LUC7L: variants seen among roughly 807,000 people sequenced by gnomAD.
LUC7L encodes the protein LUC7 like.
Under a neutral mutation model 51.1 loss-of-function variants are expected in LUC7L, and 29 were observed. The ratio of observed to expected loss-of-function variants is 0.57; its 90% CI spans 0.42 to 0.77. The LOEUF (loss-of-function observed/expected upper bound fraction) is 0.77, where lower values mean the gene tolerates loss of function less well. LUC7L is among the 30% of genes least tolerant of loss of function. LUC7L has a pLI of 0.00. For missense variants in LUC7L, 403 were observed against 511.9 expected, an observed-to-expected ratio of 0.79 and a Z score of 2.05; for synonymous variants, 181 against 180.7, an observed-to-expected ratio of 1.00 and a Z score of -0.01.
chr16:195,321 C>G (rs113562505), intron 6 of LUC7L, among the ~76,000 whole-genome samples: 1 of 151,860 alleles, frequency 6.6e-6, no homozygotes, highest in Non-Finnish European at 1.5e-5. Context: ...TCAGGAGACT[C>G]AGGATGCAGG....
In LUC7L at chr16:229,345, C is replaced by T. The variant is rs2050215345; in HGVS notation, c.-6G>A. 2 of 1,499,444 alleles carry T rather than the reference C, an allele frequency of 1.3e-6. No individual in the cohort carries two copies. The highest frequency in any genetic ancestry group is 1.8e-6 in the Non-Finnish European group (2 of 1,127,482). 92.9% of individuals were successfully genotyped at this position (1,499,444 alleles called of 1,614,324 possible). ...ATCTGCGCCTGGGCGGACATGGTAG[C>T]CGGCGGAGGCGACGGGGTCGGCCGC... On this transcript the variant is annotated 5_prime_UTR_variant, in exon 1 of 10. Transcript: ENST00000293872.
At chr16:192,899 G>C (rs111775488) in intron 7 of LUC7L, 28 bp downstream of exon 7, 103,545 of 1,590,488 alleles carry the variant, frequency 0.065, 3,627 homozygotes, top group African/African-American at 0.085. Flanking sequence ...GCCAATGCAG[G>C]CCATCCAGTG....
chr16:227,277 G>GA lies in LUC7L; in HGVS notation c.120dup (p.Leu41SerfsTer7). The GA allele has an allele frequency of 6.2e-7, 1 of 1,613,146 alleles. No individual in the cohort carries two copies. Among genetic ancestry groups the GA allele is most frequent in the Non-Finnish European group, 8.5e-7 (1 of 1,179,566 alleles). On this transcript the variant is annotated frameshift_variant, in exon 2 of 10. Transcript: ENST00000293872. LOFTEE classifies it high-confidence loss of function. ...AGGATGTCATGGGGGCAGCAGTCCA[G>GA]AAGGTGACTCTTGCAGACACGGTCA...
chr16:207,212 A>AC lies in LUC7L; in HGVS notation c.366+865_366+866insG, dbSNP rs1236724289. 4.0e-3 allele frequency among the ~76,000 whole-genome samples: 600 copies of AC among 150,760 alleles called. 6 individuals are homozygous for AC. Among genetic ancestry groups the AC allele is most frequent in the African/African-American group, 0.013 (530 of 41,074 alleles). On this transcript the variant is annotated intron_variant, in intron 4 of 9. Transcript: ENST00000293872. The stretch of plus-strand genomic sequence containing the variant: ...AGACTCTGTCTCTTAAAAAAAAAAA[A>AC]AAACCGACAATAATTTTTTTTTCTT...
At position 190,118 on chromosome 16, in the gene LUC7L, C is replaced by A. The variant is rs746716871; in HGVS notation, c.824G>T (p.Arg275Leu). The A allele has an allele frequency of 6.2e-7, 1 of 1,611,442 alleles. No individual in the cohort carries two copies. The highest frequency in any genetic ancestry group is 1.3e-5 in the African/African-American group (1 of 74,872). Residue 275 changes from arginine to leucine, a missense_variant, in exon 9 of 10, where the codon CGG becomes CTG. Around this residue, in one of 3 missense-constraint regions of LUC7L, gnomAD observed 206 missense variants for 218.3 expected, o/e 0.94. Coordinates refer to ENST00000293872, the MANE Select transcript of LUC7L (RefSeq NM_201412.3). Reference protein sequence around the residue: ...RDRRRSRSRDRRRRRSRSTSR... With the variant: ...RDRRRSRSRDLRRRRSRSTSR... ...GGTAGATCTTGACCGCCTCCGACGC[C>A]GATCCCGGGAGCGTGACCTGAACAA...
chr16:208,135 G>A lies in LUC7L; in HGVS notation c.309C>T (p.Leu103=), dbSNP rs189799346. ...GTGTTTCTGCCAGCCGCTTCTTGGCGAGCTCAGTTCTCCGATCACATTCAG... is the reference window on the plus strand; with the variant it reads ...GTGTTTCTGCCAGCCGCTTCTTGGCAAGCTCAGTTCTCCGATCACATTCAG... ...FIAECDRRTE[L]AKKRLAETQE... is the part of the protein sequence containing the mutation. The change falls in exon 4 of 10, where the codon CTC becomes CTT. Residue 103 remains leucine, a synonymous_variant. Coordinates refer to ENST00000293872, the MANE Select transcript of LUC7L (RefSeq NM_201412.3). The A allele has an allele frequency of 3.0e-5, 48 of 1,613,574 alleles. No homozygotes were observed. In the African/African-American group the frequency reaches 3.7e-4, roughly 13 times the overall value.
intron 3 of LUC7L, among the ~76,000 whole-genome samples, chr16:219,659 C>T (rs113749273): frequency 1.3e-5 from 2 of 151,530 alleles, no homozygotes; most frequent in Admixed American, 6.6e-5. Context: ...GATCACCTGA[C>T]GTTGAGAGTT....
chr16:217,848 G>A (rs995608042), intron 3 of LUC7L, among the ~76,000 whole-genome samples: 1 of 152,018 alleles, frequency 6.6e-6, no homozygotes, highest in African/African-American at 2.4e-5. Context: ...AGACCAGCCT[G>A]ACCAAAATGG....
intron 9 of LUC7L, 109 bp downstream of exon 9, chr16:189,859 G>C: frequency 2.7e-6 from 4 of 1,499,236 alleles, no homozygotes; most frequent in Non-Finnish European, 3.6e-6. Context: ...CCCTACTCCT[G>C]AGGGTGAGCC....
chr16:203,924 G>C (rs992030052), intron 5 of LUC7L, among the ~76,000 whole-genome samples: 29 of 151,648 alleles, frequency 1.9e-4, no homozygotes, highest in Admixed American at 5.3e-4. Flanking sequence ...GCTGAGGCAG[G>C]AGAATCGCTT....
At chr16:228,890 C>A in intron 1 of LUC7L, 1 of 1,329,540 alleles carries the variant, frequency 7.5e-7, no homozygotes, top group South Asian at 1.2e-5. Flanking sequence ...AGCTTCTTCC[C>A]AAGGAGCCTC....
Position 189,031 on chromosome 16 carries a change from A to C in LUC7L, c.*167T>G. On this transcript the variant is annotated 3_prime_UTR_variant, in exon 10 of 10. Transcript: ENST00000293872. The stretch of plus-strand genomic sequence containing the variant: ...GATTTATTTATTCCTACTCAACATG[A>C]CCCGGGAACACAGGAGCAACTCTGT... The C allele has an allele frequency of 1.4e-6, 1 of 711,206 alleles. No homozygotes were observed. Among genetic ancestry groups the C allele is most frequent in the Non-Finnish European group, 2.3e-6 (1 of 433,642 alleles). 44.1% of individuals were successfully genotyped at this position (711,206 alleles called of 1,614,324 possible).
At chr16:191,726 T>A (rs1258985710) in intron 7 of LUC7L, among the ~76,000 whole-genome samples, 2 of 152,092 alleles carry the variant, frequency 1.3e-5, no homozygotes, top group Admixed American at 1.3e-4. Flanking sequence ...AGGCCTGTAG[T>A]CCCAGCTACT....
intron 1 of LUC7L, chr16:228,752 G>A (rs1344239313): frequency 5.5e-6 from 7 of 1,268,556 alleles, no homozygotes; most frequent in Non-Finnish European, 7.2e-6. Flanking sequence ...GTGCTGGGGG[G>A]AAGGGGGCAG....
chr16:206,030 C>T lies in LUC7L; in HGVS notation c.484G>A (p.Val162Ile). The T allele has an allele frequency of 6.2e-7, 1 of 1,612,976 alleles. No individual in the cohort carries two copies. The highest frequency in any genetic ancestry group is 8.5e-7 in the Non-Finnish European group (1 of 1,179,776). ...TCAGCTTCTTTTTTCTTCGCACGAA[C>T]TTTTTCCACTTCCATAAGAATCTTC... ...SQKILMEVEKVRAKKKEAEEE... is the reference protein window; with the variant it reads ...SQKILMEVEKIRAKKKEAEEE... Residue 162 changes from valine (V) to isoleucine (I), a missense_variant, in exon 5 of 10, where the codon GTT becomes ATT. Physicochemically the swap from Val to Ile is conservative, Grantham distance 29. This residue lies in a region of LUC7L where 182 missense variants were observed against 248.4 expected (regional missense o/e 0.73). Coordinates refer to ENST00000293872, the MANE Select transcript of LUC7L (RefSeq NM_201412.3).
chr16:213,218 CT>C (rs1348999701), intron 3 of LUC7L, among the ~76,000 whole-genome samples: 1 of 152,138 alleles, frequency 6.6e-6, no homozygotes, highest in African/African-American at 2.4e-5. Context: ...AGGCCTGGGT[CT>C]TTTGTGGTCA....
At chr16:197,357 C>G (rs1205701466) in intron 6 of LUC7L, among the ~76,000 whole-genome samples, 2 of 151,296 alleles carry the variant, frequency 1.3e-5, no homozygotes, top group Non-Finnish European at 2.9e-5. Flanking sequence ...GGATTACAGG[C>G]GCCCGCTGCC....
Position 227,243 on chromosome 16 carries a change from G to A in LUC7L, c.155C>T (p.Thr52Met), listed in dbSNP as rs1422731806. The change falls in exon 2 of 10, where the codon ACG becomes ATG. Residue 52 changes from threonine to methionine, a missense_variant and splice_region_variant. Physicochemically the swap from Thr to Met is moderately conservative, Grantham distance 81. This residue lies in a region of LUC7L where 182 missense variants were observed against 248.4 expected (regional missense o/e 0.73). Transcript: ENST00000293872. ...TGAGGTCCCCCAAAATGCACCTACC[G>A]TCCCAGCCAGGATGTCATGGGGGCA... ...DCCPHDILAG[T>M]RMDLGECTKI... The A allele has an allele frequency of 3.1e-6, 5 of 1,612,118 alleles. No homozygotes were observed. The highest frequency in any genetic ancestry group is 1.3e-5 in the African/African-American group (1 of 74,870).
intron 6 of LUC7L, among the ~76,000 whole-genome samples, 178 bp downstream of exon 6, chr16:198,884 T>C (rs899266726): frequency 3.3e-5 from 5 of 152,088 alleles, no homozygotes; most frequent in African/African-American, 1.2e-4. Context: ...TTCACCATGT[T>C]GGTCAGGCTG....
Sources: gnomAD v4.1 joint callset for allele counts (sites outside exome capture counted in the v4.1 genomes callset) on GRCh38, gnomAD v4.1.1 for gene constraint, gnomAD v4.1.1 regional missense constraint, MANE v1.5 for transcripts, NCBI Gene and HGNC (gene_info 2026-07-23, HGNC 2026-07-21) for gene names.